Variants in TTLL11 observed in about 807,000 individuals in gnomAD.
The protein encoded by TTLL11 is tubulin polyglutamylase TTLL11.
In TTLL11, 42 loss-of-function variants were observed where a neutral mutation model predicts 51.7. The observed-to-expected ratio is 0.81, with a 90% confidence interval of 0.64 to 1.05. The LOEUF is 1.05. Among genes scored for constraint, TTLL11 ranks in the 50% least tolerant of loss-of-function variants. TTLL11 has a pLI of 0.00. For missense variants in TTLL11, 799 were observed against 940.4 expected, an observed-to-expected ratio of 0.85 and a Z score of 1.97; for synonymous variants, 381 against 383.5, an observed-to-expected ratio of 0.99 and a Z score of 0.08.
At chr9:121,919,674 TC>T (rs931914177) in intron 6 of TTLL11, among the ~76,000 whole-genome samples, 74 of 152,074 alleles carry the variant, frequency 4.9e-4, no homozygotes, top group African/African-American at 1.7e-3. Context: ...AAGAGAAATT[TC>T]CCCTGTGGGG....
chr9:122,051,666 C>T (rs1281719009), intron 1 of TTLL11, among the ~76,000 whole-genome samples: 6 of 152,160 alleles, frequency 3.9e-5, no homozygotes, highest in East Asian at 3.9e-4. Flanking sequence ...CTCACTCACT[C>T]GCTCTCACTT....
rs145792325 is a variant in TTLL11, at chr9:121,905,182, T to C, written c.1482-34434A>G. Among the ~76,000 whole-genome samples the C allele has an allele frequency of 9.6e-3, 1,463 of 152,228 alleles. 24 individuals carry two copies. Among genetic ancestry groups the C allele is most frequent in the African/African-American group, 0.034 (1,403 of 41,542 alleles). The stretch of plus-strand genomic sequence containing the variant: ...GTAGAAGACATGAAAATGAAAAATA[T>C]AGAACTATATAGGCAAGAGAACAAA... On this transcript the variant is annotated intron_variant, in intron 6 of 8. Transcript: ENST00000321582.
rs781405964 is a variant in TTLL11 at position 121,822,635 on chromosome 9, G to A, written c.2085C>T (p.Arg695=). The A allele has an allele frequency of 5.9e-5, 88 of 1,504,022 alleles. No individual in the cohort carries two copies. The highest frequency in any genetic ancestry group is 5.0e-4 in the Admixed American group (22 of 44,322). 93.2% of individuals were successfully genotyped at this position (1,504,022 alleles called of 1,614,324 possible). The change falls in exon 9 of 9, where the codon CGC becomes CGT. Residue 695 remains arginine (R), a synonymous_variant. Transcript: ENST00000321582. The surrounding 1 kb of genome is among the most constrained non-coding windows in gnomAD (Gnocchi z 5.8). ...GGGAGAGCTTATTGGCACAGCTGGT[G>A]CGGGGTGGGGGGTTGTCCCCTGCTG... ...AQPAGDNPPP[R]TSCANKLSHP... is the part of the protein sequence containing the mutation.
At chr9:122,086,779 C>T (rs1242681920) in intron 1 of TTLL11, among the ~76,000 whole-genome samples, 2 of 152,194 alleles carry the variant, frequency 1.3e-5, no homozygotes, top group African/African-American at 2.4e-5. Flanking sequence ...TCCAAGGTCA[C>T]TTGAATTATG....
chr9:121,838,438 G>A (rs536750437), intron 8 of TTLL11, among the ~76,000 whole-genome samples: 4 of 152,278 alleles, frequency 2.6e-5, no homozygotes, highest in African/African-American at 7.2e-5. Context: ...ACAAATCAGG[G>A]CTGGGCATAG....
chr9:122,057,592 G>A (rs960645614), intron 1 of TTLL11, among the ~76,000 whole-genome samples: 9 of 152,182 alleles, frequency 5.9e-5, no homozygotes, highest in African/African-American at 1.9e-4. Context: ...CTCCCAAATC[G>A]CTGGGATTAC....
At chr9:121,933,879 T>C (rs1175421461) in intron 6 of TTLL11, among the ~76,000 whole-genome samples, 1 of 152,188 alleles carries the variant, frequency 6.6e-6, no homozygotes, top group Admixed American at 6.5e-5. Context: ...GGTTAGTTAG[T>C]TGCAATATGG....
chr9:121,840,487 C>T (rs781133255), intron 8 of TTLL11, among the ~76,000 whole-genome samples: 30 of 152,170 alleles, frequency 2.0e-4, no homozygotes, highest in Non-Finnish European at 3.4e-4. Flanking sequence ...CCTCTACCTA[C>T]CAGGTTCAAG....
intron 6 of TTLL11, among the ~76,000 whole-genome samples, chr9:121,894,927 C>A (rs1839394486): frequency 1.3e-5 from 2 of 151,936 alleles, no homozygotes; most frequent in African/African-American, 4.8e-5. Context: ...AAAAATTGGA[C>A]CCTCAAGGTC....
intron 6 of TTLL11, among the ~76,000 whole-genome samples, chr9:121,971,556 C>T (rs544891999): frequency 7.8e-5 from 11 of 141,264 alleles, no homozygotes; most frequent in East Asian, 4.1e-4. Flanking sequence ...GCCACCACCC[C>T]GTCTGGGAGG....
intron 4 of TTLL11, among the ~76,000 whole-genome samples, chr9:121,986,819 C>T (rs894532810): frequency 2.0e-5 from 3 of 151,940 alleles, no homozygotes; most frequent in African/African-American, 4.8e-5. Context: ...CCACTCCCTC[C>T]GTTCTCACTT....
intron 1 of TTLL11, among the ~76,000 whole-genome samples, chr9:122,055,458 T>C (rs1845269758): frequency 6.6e-6 from 1 of 152,178 alleles, no homozygotes; most frequent in South Asian, 2.1e-4. Flanking sequence ...CTTTATATTC[T>C]AGATGCCCTG....
intron 1 of TTLL11, among the ~76,000 whole-genome samples, chr9:122,044,619 G>A (rs1362562016): frequency 6.6e-6 from 1 of 152,142 alleles, no homozygotes; most frequent in Non-Finnish European, 1.5e-5. Flanking sequence ...GTGATGATGA[G>A]CAGAATATAT....
chr9:121,899,365 G>GTGTA (rs1226221957), intron 6 of TTLL11, among the ~76,000 whole-genome samples: 2 of 113,248 alleles, frequency 1.8e-5, no homozygotes, highest in Non-Finnish European at 1.8e-5. Flanking sequence ...ATGTGTGTGT[G>GTGTA]TATATATATA....
At chr9:121,962,184 C>G (rs1326191113) in intron 6 of TTLL11, among the ~76,000 whole-genome samples, 1 of 152,184 alleles carries the variant, frequency 6.6e-6, no homozygotes, top group Non-Finnish European at 1.5e-5. Flanking sequence ...CTCTGGGTGG[C>G]TGACTTTGAG....
At chr9:121,857,697 A>G (rs1315995408) in intron 8 of TTLL11, among the ~76,000 whole-genome samples, 1 of 152,166 alleles carries the variant, frequency 6.6e-6, no homozygotes, top group Admixed American at 6.5e-5. Flanking sequence ...TCTCATTTCC[A>G]TAGCTTGGTC....
intron 1 of TTLL11, chr9:122,040,432 A>C: frequency 1.0e-6 from 1 of 984,960 alleles, no homozygotes; most frequent in Non-Finnish European, 1.2e-6. Flanking sequence ...GTTATCAACA[A>C]GCTCTGCATT....
intron 1 of TTLL11, among the ~76,000 whole-genome samples, chr9:122,090,950 A>G (rs1179525987): frequency 1.3e-5 from 2 of 152,196 alleles, no homozygotes; most frequent in Non-Finnish European, 2.9e-5. Context: ...AATGACCGCA[A>G]TTATTCCTTT....
intron 6 of TTLL11, among the ~76,000 whole-genome samples, chr9:121,949,936 C>T (rs894471852): frequency 6.6e-6 from 1 of 152,000 alleles, no homozygotes; most frequent in African/African-American, 2.4e-5. Flanking sequence ...CCTGTTCTGA[C>T]ACAACTACTA....
Sources: allele counts gnomAD v4.1 joint callset (sites outside exome capture counted in the v4.1 genomes callset), GRCh38; gene constraint gnomAD v4.1.1; non-coding constraint Gnocchi (gnomAD v3.1); transcripts MANE v1.5; gene names NCBI Gene and HGNC (gene_info 2026-07-23, HGNC 2026-07-21).